The following ADGRL3 variants were observed in gnomAD, a reference collection of about 807,000 sequenced individuals.
The protein encoded by ADGRL3 is adhesion G protein-coupled receptor L3.
Under a neutral mutation model 153.5 loss-of-function variants are expected in ADGRL3, and 62 were observed. That is an observed-to-expected ratio of 0.40 (90% CI 0.33 to 0.50). ADGRL3 has a LOEUF of 0.50. Ranked by LOEUF, ADGRL3 falls within the 20% of genes least tolerant of loss-of-function variation. The pLI is 0.47. For synonymous variants in ADGRL3, 710 were observed against 672.5 expected, an observed-to-expected ratio of 1.06 and a Z score of -0.86; for missense variants, 1,641 against 1,859.4, an observed-to-expected ratio of 0.88 and a Z score of 2.16.
In ADGRL3 at chr4:61,629,444, C is replaced by T. The variant is rs377678925; in HGVS notation, c.473+42004C>T. On this transcript the variant is annotated intron_variant, in intron 5 of 26. Transcript: ENST00000683033. The stretch of plus-strand genomic sequence containing the variant: ...TTAAAAAAAAGTCCAAGTGGCCAGG[C>T]GCGGTGGTTCACGCCTGTAATCCCA... Among the ~76,000 whole-genome samples, 85 of 151,750 alleles carry T rather than the reference C, an allele frequency of 5.6e-4. 1 individual carries two copies. The highest frequency in any genetic ancestry group is 2.0e-3 in the African/African-American group (81 of 41,384).
intron 1 of ADGRL3, among the ~76,000 whole-genome samples, chr4:61,353,017 T>C (rs1440959512): frequency 4.6e-5 from 7 of 152,160 alleles, no homozygotes; most frequent in African/African-American, 1.7e-4. Context: ...GGCCCGAGGT[T>C]CGAAAATCCT....
chr4:61,590,008 T>A (rs2098962970), intron 5 of ADGRL3, among the ~76,000 whole-genome samples: 1 of 152,098 alleles, frequency 6.6e-6, no homozygotes, highest in Admixed American at 6.6e-5. Context: ...TGCCATTCTG[T>A]CCACCACCCA....
intron 13 of ADGRL3, among the ~76,000 whole-genome samples, chr4:61,925,980 G>A (rs2098792724): frequency 6.6e-6 from 1 of 152,066 alleles, no homozygotes; most frequent in African/African-American, 2.4e-5. Flanking sequence ...GTATACTTAC[G>A]AAAACCTAAA....
intron 8 of ADGRL3, among the ~76,000 whole-genome samples, chr4:61,782,066 A>T (rs540910014): frequency 2.2e-4 from 34 of 152,316 alleles, no homozygotes; most frequent in African/African-American, 7.7e-4. Context: ...ATTTTTTATG[A>T]TTAAAATAGG....
At chr4:61,432,891 GA>G (rs971114865) in intron 2 of ADGRL3, among the ~76,000 whole-genome samples, 1 of 151,466 alleles carries the variant, frequency 6.6e-6, no homozygotes, top group African/African-American at 2.4e-5. Flanking sequence ...GACCTCAGTT[GA>G]TCCGCCTGCC....
chr4:61,835,234 C>T (rs775777623), intron 9 of ADGRL3, among the ~76,000 whole-genome samples: 2 of 148,130 alleles, frequency 1.4e-5, no homozygotes, highest in African/African-American at 5.0e-5. Flanking sequence ...TTTTCCAAAA[C>T]GAGTTCTGCG....
At chr4:61,642,401 T>A (rs1321540925) in intron 5 of ADGRL3, among the ~76,000 whole-genome samples, 2 of 152,230 alleles carry the variant, frequency 1.3e-5, no homozygotes, top group Non-Finnish European at 2.9e-5. Context: ...GGTTTTCTTC[T>A]AGGGTTTTTA....
intron 8 of ADGRL3, among the ~76,000 whole-genome samples, chr4:61,770,295 T>C (rs553008287): frequency 6.6e-6 from 1 of 152,308 alleles, no homozygotes; most frequent in East Asian, 1.9e-4. Context: ...TTTTGGGAGA[T>C]GGACACTGAA....
chr4:61,441,161 C>G (rs2097524425), intron 2 of ADGRL3, among the ~76,000 whole-genome samples: 1 of 152,144 alleles, frequency 6.6e-6, no homozygotes, highest in Admixed American at 6.5e-5. Context: ...CTTCTGATCT[C>G]TGATCTGTAT....
chr4:61,836,535 A>G (rs2097938387), intron 9 of ADGRL3, among the ~76,000 whole-genome samples: 1 of 152,072 alleles, frequency 6.6e-6, no homozygotes, highest in Non-Finnish European at 1.5e-5. Flanking sequence ...AATGTGTGAT[A>G]TTAGGACATT....
At chr4:61,614,649 A>T (rs1260657652) in intron 5 of ADGRL3, among the ~76,000 whole-genome samples, 1 of 152,152 alleles carries the variant, frequency 6.6e-6, no homozygotes, top group Non-Finnish European at 1.5e-5. Flanking sequence ...TTGTATGTGG[A>T]ATGGTGAGCA....
intron 1 of ADGRL3, among the ~76,000 whole-genome samples, chr4:61,288,566 A>G (rs2094038681): frequency 6.6e-6 from 1 of 152,022 alleles, no homozygotes; most frequent in Non-Finnish European, 1.5e-5. Flanking sequence ...CTCTATTTAT[A>G]TATTATTAGC....
chr4:61,685,602 T>C (rs2095427986), intron 6 of ADGRL3, among the ~76,000 whole-genome samples: 1 of 152,062 alleles, frequency 6.6e-6, no homozygotes, highest in Non-Finnish European at 1.5e-5. Context: ...TCCAAGGATC[T>C]TGAGGTAGGG....
chr4:61,240,638 A>G lies in ADGRL3; in HGVS notation c.-240+38873A>G, dbSNP rs552390668. ...CTATACATTAACTCGATTTTTTTAA[A>G]CAAATTTTAAGAAAGTTCAATGGGT... On this transcript the variant is annotated intron_variant, in intron 1 of 26. Transcript: ENST00000683033. Among the ~76,000 whole-genome samples the G allele has an allele frequency of 1.2e-4, 18 of 152,214 alleles. 1 individual carries two copies. Among genetic ancestry groups the G allele is most frequent in the African/African-American group, 4.1e-4 (17 of 41,558 alleles).
chr4:61,324,210 G>A (rs2095421848), intron 1 of ADGRL3, among the ~76,000 whole-genome samples: 2 of 152,172 alleles, frequency 1.3e-5, no homozygotes, highest in Admixed American at 6.5e-5. Flanking sequence ...AATTTGGGTG[G>A]GGACACAGAG....
rs188054818 is a variant in ADGRL3 at position 61,744,886 on chromosome 4, A to G, written c.1399+11332A>G. ...CAGAGAATGACTTTGATGAGTTGAGAGAAGAAGCCTTCAGACGATCAAACT... is the reference window on the plus strand; with the variant it reads ...CAGAGAATGACTTTGATGAGTTGAGGGAAGAAGCCTTCAGACGATCAAACT... On this transcript the variant is annotated intron_variant, in intron 8 of 26. Transcript: ENST00000683033. Among the ~76,000 whole-genome samples the G allele has an allele frequency of 5.9e-3, 899 of 152,340 alleles. 7 individuals carry two copies. The highest frequency in any genetic ancestry group is 0.021 in the African/African-American group (856 of 41,580).
At chr4:61,353,538 G>A (rs1469092686) in intron 1 of ADGRL3, among the ~76,000 whole-genome samples, 1 of 151,118 alleles carries the variant, frequency 6.6e-6, no homozygotes, top group Admixed American at 6.6e-5. Context: ...TGTTTTAATA[G>A]GTATCCCTTG....
chr4:61,244,265 A>G (rs1238133594), intron 1 of ADGRL3, among the ~76,000 whole-genome samples: 4 of 152,030 alleles, frequency 2.6e-5, no homozygotes, highest in East Asian at 1.9e-4. Context: ...ATTTCAAGTC[A>G]TCTACTCTCT....
At chr4:61,692,967 T>C (rs2095567576) in intron 6 of ADGRL3, among the ~76,000 whole-genome samples, 1 of 152,178 alleles carries the variant, frequency 6.6e-6, no homozygotes, top group Non-Finnish European at 1.5e-5. Context: ...TTAGCAGCTC[T>C]TCATGTTCCT....
Sources: allele counts gnomAD v4.1 joint callset (sites outside exome capture counted in the v4.1 genomes callset), GRCh38; gene constraint gnomAD v4.1.1; transcripts MANE v1.5; gene names NCBI Gene and HGNC (gene_info 2026-07-23, HGNC 2026-07-21).